TMCO1: variants seen among roughly 807,000 people sequenced by gnomAD.
TMCO1 encodes transmembrane and coiled-coil domains 1.
In TMCO1, 29 loss-of-function variants were observed where a neutral mutation model predicts 29.3. The ratio of observed to expected loss-of-function variants is 0.99; its 90% CI spans 0.74 to 1.35. The LOEUF (loss-of-function observed/expected upper bound fraction) is 1.35, where lower values mean the gene tolerates loss of function less well. Ranked by LOEUF, TMCO1 falls within the 40% of genes most tolerant of loss-of-function variation. The pLI is 0.00. For synonymous variants in TMCO1, 80 were observed against 77.1 expected (o/e 1.04, Z -0.20); for missense variants, 173 against 225.5 (o/e 0.77, Z 1.49).
intron 2 of TMCO1, among the ~76,000 whole-genome samples, chr1:165,764,436 G>C (rs1652500721): frequency 6.6e-6 from 1 of 152,150 alleles, no homozygotes; most frequent in South Asian, 2.1e-4. Flanking sequence ...CTAAGGAGAG[G>C]TATGTGGATA....
At chr1:165,747,499 G>A (rs1651844940) in intron 5 of TMCO1, among the ~76,000 whole-genome samples, 1 of 152,070 alleles carries the variant, frequency 6.6e-6, no homozygotes, top group Non-Finnish European at 1.5e-5. Flanking sequence ...AAACTCAGAA[G>A]GGATTATTTT....
chr1:165,757,040 T>C (rs929039650), intron 3 of TMCO1, among the ~76,000 whole-genome samples: 4 of 152,086 alleles, frequency 2.6e-5, no homozygotes, highest in Non-Finnish European at 5.9e-5. Flanking sequence ...CAAGTCTCAT[T>C]CCAGGCTTAT....
At chr1:165,726,332 A>G (rs1418978883), downstream of TMCO1, 1 of 687,680 alleles carries the variant, frequency 1.5e-6, no homozygotes, top group South Asian at 1.5e-5. Flanking sequence ...GTTTCCACCC[A>G]CGTTGACTAC....
downstream of TMCO1, chr1:165,724,706 C>A (rs1201436949): frequency 2.2e-6 from 1 of 453,878 alleles, no homozygotes; most frequent in Admixed American, 2.4e-5. Context: ...ATATTCAGTA[C>A]CTTACTTGGT....
chr1:165,725,518 T>C (rs985337717), downstream of TMCO1: 9 of 454,028 alleles, frequency 2.0e-5, no homozygotes, highest in Non-Finnish European at 3.1e-5. Context: ...GATTGCAACC[T>C]GAGTAGACTA....
At chr1:165,762,904 CT>C (rs1652445622) in intron 2 of TMCO1, among the ~76,000 whole-genome samples, 1 of 152,050 alleles carries the variant, frequency 6.6e-6, no homozygotes, top group South Asian at 2.1e-4. Flanking sequence ...TTGAAGTATC[CT>C]TTCATTAGTA....
At chr1:165,761,568 A>AAG (rs1158668195) in intron 2 of TMCO1, among the ~76,000 whole-genome samples, 2 of 151,964 alleles carry the variant, frequency 1.3e-5, no homozygotes, top group Non-Finnish European at 2.9e-5. Context: ...TGTACATGGA[A>AAG]AGAGAGAGAG....
chr1:165,725,836 AAT>A (rs1374360226), downstream of TMCO1: 7 of 483,132 alleles, frequency 1.4e-5, no homozygotes, highest in South Asian at 1.1e-4. Flanking sequence ...TGCTTTTAAG[AAT>A]AGAGTGAATA....
At chr1:165,733,759 T>C (rs1651264217) in intron 6 of TMCO1, among the ~76,000 whole-genome samples, 1 of 152,228 alleles carries the variant, frequency 6.6e-6, no homozygotes, top group South Asian at 2.1e-4. Flanking sequence ...TGTCCAGTCC[T>C]GTATAACAGG....
rs1651666139 is a variant in TMCO1, at chr1:165,743,243, C to T, written c.392G>A (p.Arg131Gln). 3 of 1,612,784 alleles carry T rather than the reference C, an allele frequency of 1.9e-6. No individual in the cohort carries two copies. Among genetic ancestry groups the T allele is most frequent in the Non-Finnish European group, 2.5e-6 (3 of 1,179,838 alleles). Residue 131 changes from arginine (R) to glutamine (Q), a missense_variant, in exon 6 of 7, where the codon CGA becomes CAA. By Grantham distance (43) the Arg-to-Gln change is conservative. Transcript: ENST00000367881. ...TGTGGTGTCATCTCCCAGCAGATTT[C>T]GATGAGACAGTCCTTGGATGTAAGA... ...PLSYIQGLSH[R>Q]NLLGDDTTDC...
At chr1:165,740,452 G>A (rs1337595096) in intron 6 of TMCO1, among the ~76,000 whole-genome samples, 1 of 151,882 alleles carries the variant, frequency 6.6e-6, no homozygotes, top group East Asian at 2.0e-4. Flanking sequence ...TGATCCGCCC[G>A]CCTCGACCTC....
downstream of TMCO1, chr1:165,725,441 G>T (rs1650835241): frequency 2.2e-6 from 1 of 453,942 alleles, no homozygotes; most frequent in Non-Finnish European, 4.4e-6. Context: ...TTAGCTTTTA[G>T]AATGTAACCT....
downstream of TMCO1, chr1:165,725,018 CTCTCTCTATATA>C (rs774846721): frequency 6.9e-3 from 957 of 138,054 alleles, 10 homozygotes; most frequent in African/African-American, 0.053. Context: ...CTCTCTCTCT[CTCTCTCTATATA>C]TATATATATA....
rs191205820 is a variant in TMCO1 at position 165,749,489 on chromosome 1, C to T, written c.323+2613G>A. ...ACCAAATACCAAAATAAATTGTAGA[C>T]GAAACAAATATTTAAATATAACAAG... On this transcript the variant is annotated intron_variant, in intron 5 of 6. Transcript: ENST00000367881. 3.9e-5 allele frequency among the ~76,000 whole-genome samples: 6 copies of T among 152,014 alleles called. 1 individual carries two copies. Among genetic ancestry groups the T allele is most frequent in the South Asian group, 4.2e-4 (2 of 4,814 alleles).
At chr1:165,761,133 T>C (rs1168060036) in intron 2 of TMCO1, among the ~76,000 whole-genome samples, 9 of 151,992 alleles carry the variant, frequency 5.9e-5, no homozygotes, top group East Asian at 1.9e-4. Flanking sequence ...AAATGAAATT[T>C]AAAAGGCTGG....
At position 165,749,619 on chromosome 1, in the gene TMCO1, C is replaced by T. The variant is rs534126467; in HGVS notation, c.323+2483G>A. Among the ~76,000 whole-genome samples, 5 of 152,256 alleles carry T rather than the reference C, an allele frequency of 3.3e-5. No homozygotes were observed. In the South Asian group the frequency reaches 8.3e-4, roughly 25 times the overall value. On this transcript the variant is annotated intron_variant, in intron 5 of 6. Transcript: ENST00000367881. The stretch of plus-strand genomic sequence containing the variant: ...TCAAGGATGCAGTGGGCAATGACTG[C>T]ACCACTGCACTCCGGCCTGGGTAAT...
intron 5 of TMCO1, among the ~76,000 whole-genome samples, chr1:165,743,722 C>T (rs531315840): frequency 9.9e-5 from 15 of 152,136 alleles, no homozygotes; most frequent in African/African-American, 3.4e-4. Context: ...GGCACAATCT[C>T]GGCTCATTGC....
downstream of TMCO1, chr1:165,725,024 CTATATATATA>C (rs140541989): frequency 4.8e-4 from 46 of 95,700 alleles, no homozygotes; most frequent in South Asian, 1.8e-3. Flanking sequence ...CTCTCTCTCT[CTATATATATA>C]TATATATATA....
chr1:165,767,692 T>C (rs2101820172), intron 2 of TMCO1, among the ~76,000 whole-genome samples: 1 of 152,276 alleles, frequency 6.6e-6, no homozygotes, highest in East Asian at 1.9e-4. Flanking sequence ...TCTTCTTCTT[T>C]TTTTTTTAAA....
Sources: gnomAD v4.1 joint callset for allele counts (sites outside exome capture counted in the v4.1 genomes callset) on GRCh38, gnomAD v4.1.1 for gene constraint, MANE v1.5 for transcripts, NCBI Gene and HGNC (gene_info 2026-07-23, HGNC 2026-07-21) for gene names.